SGCD: variants seen among roughly 807,000 people sequenced by gnomAD.
SGCD encodes sarcoglycan delta, also known as delta-sarcoglycan.
SGCD carries 18 observed loss-of-function variants against 36.6 expected under a neutral mutation model. The ratio of observed to expected loss-of-function variants is 0.49; its 90% confidence interval spans 0.34 to 0.73. SGCD has a LOEUF of 0.73. Among genes scored for constraint, SGCD ranks in the 30% least tolerant of loss-of-function variants. SGCD has a pLI of 0.01. For missense variants in SGCD, 387 were observed against 346.7 expected (o/e 1.12, Z -0.92); for synonymous variants, 133 against 130.6 (o/e 1.02, Z -0.12).
rs74858360 is a variant in SGCD, at chr5:156,351,512, G to C, written c.192+6835G>C. ...AGTAATGACAATACCTACCTCCTAG[G>C]ATTGTTGTAAAGATTAGAGGAGGTG... On this transcript the variant is annotated intron_variant, in intron 3 of 8. Coordinates refer to ENST00000337851, the MANE Select transcript of SGCD (RefSeq NM_000337.6). 1.1e-3 allele frequency among the ~76,000 whole-genome samples: 168 copies of C among 152,140 alleles called. 2 individuals are homozygous for C. The East Asian group carries it at 0.025, about 23-fold the overall frequency.
chr5:155,828,256 C>T, the SGCD span, among the ~76,000 whole-genome samples: 1 of 152,044 alleles, frequency 6.6e-6, no homozygotes, highest in African/African-American at 2.4e-5. Flanking sequence ...CACAATAATG[C>T]CACAAAGGGT....
At position 156,429,576 on chromosome 5, in the gene SGCD, G is replaced by GT. The variant is rs565661518; in HGVS notation, c.193-79012dup. Among the ~76,000 whole-genome samples, 545 of 141,306 alleles carry GT rather than the reference G, an allele frequency of 3.9e-3. 2 individuals carry two copies. The highest frequency in any genetic ancestry group is 0.018 in the South Asian group (82 of 4,456). The allele number at this position is 141,306 out of a possible 152,430, so 92.7% of individuals were successfully genotyped here. On this transcript the variant is annotated intron_variant, in intron 3 of 8. Coordinates refer to ENST00000337851, the MANE Select transcript of SGCD (RefSeq NM_000337.6). ...TGTTAGTTGTTGCCTAAATAGTTTG[G>GT]TTTTTTTTTTTTTAATTGTGTTTTG... is the stretch of plus-strand genomic sequence containing the variant.
intron 3 of SGCD, among the ~76,000 whole-genome samples, chr5:156,201,188 C>T (rs1050504148): frequency 3.3e-5 from 5 of 152,078 alleles, no homozygotes; most frequent in Admixed American, 6.6e-5. Flanking sequence ...ATACATTTAA[C>T]GCTACTGAAC....
At chr5:156,357,102 G>A (rs965619447) in intron 3 of SGCD, among the ~76,000 whole-genome samples, 1 of 152,150 alleles carries the variant, frequency 6.6e-6, no homozygotes, top group Non-Finnish European at 1.5e-5. Flanking sequence ...GCCATTTTAG[G>A]AAAAGTACAA....
At chr5:156,418,316 C>G (rs1011170264) in intron 3 of SGCD, among the ~76,000 whole-genome samples, 3 of 152,120 alleles carry the variant, frequency 2.0e-5, no homozygotes, top group Non-Finnish European at 4.4e-5. Flanking sequence ...TGACTCTGAT[C>G]CTAAGCAGAA....
chr5:156,302,304 A>G (rs1356894323), intron 3 of SGCD, among the ~76,000 whole-genome samples: 1 of 152,006 alleles, frequency 6.6e-6, no homozygotes, highest in Non-Finnish European at 1.5e-5. Flanking sequence ...TGAGAGACTG[A>G]TGCATTCTTC....
chr5:155,901,128 A>G (rs1047378623), intron 1 of SGCD, among the ~76,000 whole-genome samples: 3 of 151,866 alleles, frequency 2.0e-5, no homozygotes, highest in Non-Finnish European at 4.4e-5. Context: ...CTGGCCAACA[A>G]GGTGAAACCC....
At chr5:156,213,394 A>G (rs1764497165) in intron 3 of SGCD, among the ~76,000 whole-genome samples, 1 of 152,054 alleles carries the variant, frequency 6.6e-6, no homozygotes, top group Non-Finnish European at 1.5e-5. Context: ...CAAGAAACAT[A>G]CAACCTACCA....
chr5:156,625,471 A>G (rs1762405386), intron 6 of SGCD, among the ~76,000 whole-genome samples: 1 of 152,192 alleles, frequency 6.6e-6, no homozygotes, highest in African/African-American at 2.4e-5. Context: ...TAGGATAGGA[A>G]ATAATCTGTG....
chr5:156,013,227 G>T (rs1758898110), intron 1 of SGCD, among the ~76,000 whole-genome samples: 1 of 151,922 alleles, frequency 6.6e-6, no homozygotes, highest in Non-Finnish European at 1.5e-5. Context: ...GTTTCACCAT[G>T]TTGGCCAGGC....
At chr5:156,120,160 G>A (rs1762001813) in intron 2 of SGCD, among the ~76,000 whole-genome samples, 1 of 152,066 alleles carries the variant, frequency 6.6e-6, no homozygotes. Flanking sequence ...CCTTTACTGT[G>A]CCATGTGGCA....
At chr5:155,905,749 C>T (rs146723012) in intron 1 of SGCD, among the ~76,000 whole-genome samples, 38 of 152,150 alleles carry the variant, frequency 2.5e-4, no homozygotes, top group African/African-American at 7.0e-4. Flanking sequence ...ATAAGTCTCA[C>T]GAGATCTGAT....
At chr5:156,476,996 A>T (rs1755208178) in intron 3 of SGCD, among the ~76,000 whole-genome samples, 1 of 151,832 alleles carries the variant, frequency 6.6e-6, no homozygotes. Flanking sequence ...CTTGAACTGC[A>T]AGCAACAGCA....
intron 1 of SGCD, among the ~76,000 whole-genome samples, chr5:155,911,293 A>ATGTGTGTGTG (rs371986965): frequency 2.1e-3 from 298 of 141,648 alleles, no homozygotes; most frequent in Admixed American, 2.6e-3. Context: ...AGTATAGTAT[A>ATGTGTGTGTG]TGTGTGTGTG....
intron 4 of SGCD, among the ~76,000 whole-genome samples, chr5:156,534,490 G>A (rs527950918): frequency 1.3e-5 from 2 of 152,250 alleles, no homozygotes; most frequent in South Asian, 2.1e-4. Context: ...ATTGTGGTAT[G>A]AGTTCTGTCT....
Position 156,765,197 on chromosome 5 carries a change from A to G in SGCD, c.*5807A>G, listed in dbSNP as rs1561903701. The G allele has an allele frequency of 6.6e-6, 1 of 152,164 alleles. No individual in the cohort carries two copies. The highest frequency in any genetic ancestry group is 1.5e-5 in the Non-Finnish European group (1 of 68,022). The allele number at this position is 152,164 out of a possible 1,614,324, so 9.4% of individuals were successfully genotyped here. On this transcript the variant is annotated 3_prime_UTR_variant, in exon 9 of 9. Coordinates refer to ENST00000337851, the MANE Select transcript of SGCD (RefSeq NM_000337.6). ...TCACTTTCCAATGGCTTCACATCCTACTTCTACATTTGGGGTTTTTTGGTG... is the reference window on the plus strand; with the variant it reads ...TCACTTTCCAATGGCTTCACATCCTGCTTCTACATTTGGGGTTTTTTGGTG...
At chr5:156,161,968 T>A (rs1323162987) in intron 3 of SGCD, among the ~76,000 whole-genome samples, 3 of 151,474 alleles carry the variant, frequency 2.0e-5, no homozygotes, top group Non-Finnish European at 4.4e-5. Flanking sequence ...TTATTGTTAA[T>A]TTCAGGTCAA....
At chr5:155,856,400 T>A in the SGCD span, among the ~76,000 whole-genome samples, 1 of 152,202 alleles carries the variant, frequency 6.6e-6, no homozygotes, top group Non-Finnish European at 1.5e-5. Flanking sequence ...ATGTTAGTAA[T>A]CACATTAAAT....
chr5:155,768,591 T>A, the SGCD span, among the ~76,000 whole-genome samples: 1 of 152,120 alleles, frequency 6.6e-6, no homozygotes, highest in Non-Finnish European at 1.5e-5. Context: ...AATGTTAGAC[T>A]GTGTTAGTCA....
Sources: allele counts gnomAD v4.1 joint callset (sites outside exome capture counted in the v4.1 genomes callset), GRCh38; gene constraint gnomAD v4.1.1; transcripts MANE v1.5; gene names NCBI Gene and HGNC (gene_info 2026-07-23, HGNC 2026-07-21).